Variants in TLN1 observed in about 807,000 individuals in gnomAD.
TLN1 encodes the protein talin 1.
TLN1 carries 56 observed loss-of-function variants against 292.3 expected under a neutral mutation model. That is an observed-to-expected ratio of 0.19 (90% CI 0.15 to 0.24). The LOEUF (loss-of-function observed/expected upper bound fraction) is 0.24, where lower values mean the gene tolerates loss of function less well. TLN1 is among the 10% of genes least tolerant of loss of function. The pLI, the probability that TLN1 is intolerant of heterozygous loss-of-function variation, is 1.00. For missense variants in TLN1, 2,433 were observed against 3,248.2 expected, an observed-to-expected ratio of 0.75 and a Z score of 6.10; for synonymous variants, 1,119 against 1,253.7, an observed-to-expected ratio of 0.89 and a Z score of 2.27.
In TLN1 at chr9:35,711,979, TC is replaced by T. The variant is rs759024908; in HGVS notation, c.3681+25del. The T allele has an allele frequency of 4.7e-4, 759 of 1,611,140 alleles. 2 individuals carry two copies. Among genetic ancestry groups the T allele is most frequent in the Middle Eastern group, 1.0e-3 (6 of 5,716 alleles). The stretch of plus-strand genomic sequence containing the variant: ...GCCTGGCATTCTTTGACTCCTACGT[TC>T]CCCCACCCCCTACCGTCCTCCTACC... On this transcript the variant is annotated intron_variant, in intron 28 of 56. Transcript: ENST00000314888.
chr9:35,699,672 A>T lies in TLN1; in HGVS notation c.6769-211T>A, dbSNP rs551824594. 2.0e-6 allele frequency: 2 copies of T among 985,404 alleles called. No individual in the cohort carries two copies. The highest frequency in any genetic ancestry group is 3.5e-5 in the African/African-American group (2 of 57,346). 61.0% of individuals were successfully genotyped at this position (985,404 alleles called of 1,614,324 possible). A position where few individuals can be genotyped will look rare whatever the true frequency, so the allele number is the denominator to read the frequency against. Reference sequence around the variant, plus strand: ...GGGGCTGTGTCACTCACCGGCTGACAAGGAGCAAGGAGAATGATGAGATGA... The same window carrying T: ...GGGGCTGTGTCACTCACCGGCTGACTAGGAGCAAGGAGAATGATGAGATGA... On this transcript the variant is annotated intron_variant, in intron 50 of 56. Transcript: ENST00000314888. This position sits in a 1 kb window ranked among gnomAD's most constrained non-coding sequence, Gnocchi z 4.0.
Position 35,722,994 on chromosome 9 carries a change from T to TG in TLN1, c.783-74dup, listed in dbSNP as rs1383795180. The TG allele has an allele frequency of 2.2e-6, 3 of 1,367,812 alleles. No homozygotes were observed. The Admixed American group carries it at 5.0e-5, about 23-fold the overall frequency. 84.7% of individuals were successfully genotyped at this position (1,367,812 alleles called of 1,614,324 possible). ...ACATGTGGGCCATGAACTGTGGGCCTGGGGGTATGAGGAAATACCTAGGAC... is the reference window on the plus strand; with the variant it reads ...ACATGTGGGCCATGAACTGTGGGCCTGGGGGGTATGAGGAAATACCTAGGAC... On this transcript the variant is annotated intron_variant, in intron 7 of 56. Coordinates refer to ENST00000314888, the MANE Select transcript of TLN1 (RefSeq NM_006289.4).
chr9:35,728,148 G>C (rs1459199000), intron 1 of TLN1, among the ~76,000 whole-genome samples: 2 of 152,168 alleles, frequency 1.3e-5, no homozygotes, highest in Non-Finnish European at 2.9e-5. Context: ...TGGAGGGGGG[G>C]AATGGAGGAC....
Position 35,722,906 on chromosome 9 carries a change from C to A in TLN1, c.798G>T (p.Leu266=). The A allele has an allele frequency of 6.2e-7, 1 of 1,613,948 alleles. No homozygotes were observed. The highest frequency in any genetic ancestry group is 1.1e-5 in the South Asian group (1 of 91,084). The change falls in exon 8 of 57, where the codon CTG becomes CTT. Residue 266 remains leucine (L), a synonymous_variant. Coordinates refer to ENST00000314888, the MANE Select transcript of TLN1 (RefSeq NM_006289.4). ...CCTTCTGCTTCACATACTCCTTGGG[C>A]AGGAAGTCCTTCAGGCTACACCAGA... ...KAGFLDLKDF[L]PKEYVKQKGE... is the part of the protein sequence containing the mutation.
rs145269012 is a variant in TLN1, at chr9:35,716,502, T to C, written c.2513A>G (p.Asn838Ser). 1.0e-4 allele frequency: 161 copies of C among 1,614,122 alleles called. No individual in the cohort carries two copies. The highest frequency in any genetic ancestry group is 2.0e-4 in the East Asian group (9 of 44,900). ...ILAQATSDLVNAIKADAEGES... is the reference protein window; with the variant it reads ...ILAQATSDLVSAIKADAEGES... ...CCCCTCAGCATCAGCCTTGATGGCATTGACCAGGTCAGATGTGGCTTGGGC... is the reference window on the plus strand; with the variant it reads ...CCCCTCAGCATCAGCCTTGATGGCACTGACCAGGTCAGATGTGGCTTGGGC... The change falls in exon 20 of 57, where the codon AAT becomes AGT. Residue 838 changes from asparagine to serine, a missense_variant. By Grantham distance (46) the Asn-to-Ser change is conservative. This residue lies in a region of TLN1 where 617 missense variants were observed against 770.6 expected (regional missense o/e 0.80). Transcript: ENST00000314888.
In TLN1 at chr9:35,697,527, G is replaced by T. The variant is rs1055274549; in HGVS notation, c.*264C>A. On this transcript the variant is annotated 3_prime_UTR_variant, in exon 57 of 57. Coordinates refer to ENST00000314888, the MANE Select transcript of TLN1 (RefSeq NM_006289.4). ...GGGGCCCCGGCAGATTCAGATCGAG[G>T]TACAGCAGCGTTAATAATACTCTTG... 2.0e-6 allele frequency: 1 copy of T among 489,074 alleles called. No homozygotes were observed. The highest frequency in any genetic ancestry group is 3.6e-6 in the Non-Finnish European group (1 of 277,684). The allele number at this position is 489,074 out of a possible 1,614,324, so 30.3% of individuals were successfully genotyped here. A position where few individuals can be genotyped will look rare whatever the true frequency, so the allele number is the denominator to read the frequency against.
intron 11 of TLN1, 108 bp downstream of exon 11, chr9:35,720,704 C>T: frequency 8.6e-7 from 1 of 1,160,782 alleles, no homozygotes. Context: ...CGGCTCATTG[C>T]AACCTCCGCC....
Position 35,705,725 on chromosome 9 carries a change from T to C in TLN1, c.5613+25A>G, listed in dbSNP as rs1825552641. 2.5e-6 allele frequency: 4 copies of C among 1,614,070 alleles called. No individual in the cohort carries two copies. The African/African-American group carries it at 5.3e-5, about 22-fold the overall frequency. On this transcript the variant is annotated intron_variant, in intron 42 of 56. Coordinates refer to ENST00000314888, the MANE Select transcript of TLN1 (RefSeq NM_006289.4). ...TCCAAAGTCAGCTCTCCGAGGGCAG[T>C]CCTCTGGGACTCGCCCAAACTCACC...
chr9:35,722,356 G>C (rs956064636), intron 8 of TLN1, 133 bp from the exon 9 acceptor site: 1 of 776,406 alleles, frequency 1.3e-6, no homozygotes, highest in South Asian at 1.5e-5. Context: ...ATATGAGAAC[G>C]AGAGGGTAAC....
At chr9:35,716,320 G>A (rs1348428658) in intron 20 of TLN1, 70 bp downstream of exon 20, 13 of 1,558,926 alleles carry the variant, frequency 8.3e-6, no homozygotes, top group Non-Finnish European at 1.1e-5. Context: ...CATCAGATGA[G>A]GGTGACCATC....
chr9:35,726,772 A>G (rs915822821), intron 1 of TLN1, among the ~76,000 whole-genome samples: 1 of 152,238 alleles, frequency 6.6e-6, no homozygotes, highest in African/African-American at 2.4e-5. Context: ...CTATCTCAGA[A>G]GTTATCTGGT....
chr9:35,722,957 C>T (rs752637716), intron 7 of TLN1, 36 bp from the exon 8 acceptor site: 2 of 1,601,906 alleles, frequency 1.2e-6, no homozygotes, highest in Non-Finnish European at 1.7e-6. Context: ...ATGTGGTAGA[C>T]AGCATCAGGG....
Position 35,710,926 on chromosome 9 carries a change from C to T in TLN1, c.4114-40G>A, listed in dbSNP as rs375711052. On this transcript the variant is annotated intron_variant, in intron 31 of 56. Coordinates refer to ENST00000314888, the MANE Select transcript of TLN1 (RefSeq NM_006289.4). ...GGCAAAGTGAGATCCAAGACACCTC[C>T]CTCAGGCCCAAAACCAGAACACTTC... The T allele has an allele frequency of 2.5e-5, 40 of 1,613,698 alleles. No individual in the cohort carries two copies. In the African/African-American group the frequency reaches 4.8e-4, roughly 19 times the overall value.
chr9:35,726,821 G>T (rs1303108949), intron 1 of TLN1, among the ~76,000 whole-genome samples: 1 of 152,206 alleles, frequency 6.6e-6, no homozygotes, highest in Non-Finnish European at 1.5e-5. Flanking sequence ...TAGACTCTGG[G>T]AGGCCAGGAA....
rs1825664289 is a variant in TLN1 at position 35,711,320 on chromosome 9, A to T, written c.3954T>A (p.Ala1318=). 7 of 1,614,082 alleles carry T rather than the reference A, an allele frequency of 4.3e-6. No individual in the cohort carries two copies. In the South Asian group the frequency reaches 7.7e-5, roughly 18 times the overall value. ...ISMSSSKLLL[A]AKALSTDPAA... ...CAGGGTCCGTGGACAGGGCCTTGGC[A>T]GCCAGAAGAAGTTTGCTTGAAGACA... The change falls in exon 30 of 57, where the codon GCT becomes GCA. Residue 1318 remains alanine, a synonymous_variant. Coordinates refer to ENST00000314888, the MANE Select transcript of TLN1 (RefSeq NM_006289.4).
rs780888978 is a variant in TLN1, at chr9:35,698,719, C to T, written c.7126-40G>A. On this transcript the variant is annotated intron_variant, in intron 53 of 56. Coordinates refer to ENST00000314888, the MANE Select transcript of TLN1 (RefSeq NM_006289.4). This position sits in a 1 kb window ranked among gnomAD's most constrained non-coding sequence, Gnocchi z 5.3. ...AGAGCCTACTTAGACCTGCATTTTC[C>T]TCACTTCAAAGACTCGCTGGCTATG... The T allele has an allele frequency of 4.3e-6, 7 of 1,614,022 alleles. No individual in the cohort carries two copies. The highest frequency in any genetic ancestry group is 5.9e-6 in the Non-Finnish European group (7 of 1,180,052).
At chr9:35,705,448 C>A in intron 43 of TLN1, 103 bp downstream of exon 43, 2 of 1,251,192 alleles carry the variant, frequency 1.6e-6, no homozygotes, top group Non-Finnish European at 2.2e-6. Flanking sequence ...AGGCTGTTCC[C>A]CTTTCTATGA....
chr9:35,711,836 T>G (rs200291356), intron 28 of TLN1, 44 bp from the exon 29 acceptor site: 1 of 1,611,730 alleles, frequency 6.2e-7, no homozygotes, highest in South Asian at 1.1e-5. Flanking sequence ...TGGGGAATGA[T>G]GCAGGGAGAA....
Position 35,714,284 on chromosome 9 carries a change from C to T in TLN1, c.3075G>A (p.Lys1025=), listed in dbSNP as rs1456344661. The part of the protein sequence containing the change: ...ASAMQLSQCA[K]NLGTALAELR... The stretch of plus-strand genomic sequence containing the variant: ...GTTCAGCCAGCGCGGTGCCCAGGTT[C>T]TTGGCACACTGACTCAGCTGCATGG... Residue 1025 remains lysine (K), a synonymous_variant, in exon 24 of 57, where the codon AAG becomes AAA. Transcript: ENST00000314888. The surrounding 1 kb of genome is among the most constrained non-coding windows in gnomAD (Gnocchi z 4.6). The T allele has an allele frequency of 6.2e-7, 1 of 1,613,912 alleles. No individual in the cohort carries two copies. The highest frequency in any genetic ancestry group is 1.7e-5 in the Admixed American group (1 of 60,028).
Sources: gnomAD v4.1 joint callset for allele counts (sites outside exome capture counted in the v4.1 genomes callset) on GRCh38, gnomAD v4.1.1 for gene constraint, gnomAD v4.1.1 regional missense constraint, Gnocchi (gnomAD v3.1) non-coding constraint, MANE v1.5 for transcripts, NCBI Gene and HGNC (gene_info 2026-07-23, HGNC 2026-07-21) for gene names.